The following HIVEP3 variants were observed in gnomAD, a reference collection of about 807,000 sequenced individuals.
The protein encoded by HIVEP3 is HIVEP zinc finger 3, also known as transcription factor HIVEP3.
A neutral mutation model predicts 152.8 loss-of-function variants in HIVEP3; 49 were observed. The observed-to-expected ratio is 0.32, with a 90% CI of 0.26 to 0.41. HIVEP3 has a LOEUF of 0.41. Among genes scored for constraint, HIVEP3 ranks in the 10% least tolerant of loss-of-function variants. HIVEP3 has a pLI of 1.00. For missense variants in HIVEP3, 2,790 were observed against 3,103.3 expected, an observed-to-expected ratio of 0.90 and a Z score of 2.40; for synonymous variants, 1,269 against 1,289.0, an observed-to-expected ratio of 0.98 and a Z score of 0.33.
chr1:41,840,382 C>A (rs144415301), intron 1 of HIVEP3, among the ~76,000 whole-genome samples: 6 of 152,000 alleles, frequency 3.9e-5, no homozygotes, highest in Non-Finnish European at 7.4e-5. Context: ...CAACAGAGGC[C>A]GAGACCTGAT....
chr1:41,638,301 GAGAA>G (rs1257976672), intron 2 of HIVEP3, among the ~76,000 whole-genome samples: 2 of 105,074 alleles, frequency 1.9e-5, no homozygotes, highest in Non-Finnish European at 3.9e-5. Context: ...AGGAAGGAGA[GAGAA>G]AGAAAGGAAA....
At chr1:41,812,750 A>G (rs1651040553) in intron 1 of HIVEP3, among the ~76,000 whole-genome samples, 2 of 151,534 alleles carry the variant, frequency 1.3e-5, no homozygotes, top group African/African-American at 4.9e-5. Flanking sequence ...CACCACTCCA[A>G]CAGTTCCCTG....
intron 3 of HIVEP3, among the ~76,000 whole-genome samples, chr1:41,626,473 GACAA>G (rs1645119360): frequency 6.6e-6 from 1 of 152,166 alleles, no homozygotes; most frequent in Admixed American, 6.5e-5. Flanking sequence ...AGCCCACACG[GACAA>G]ACAAAGAGTC....
At chr1:41,815,991 T>C (rs969700690) in intron 1 of HIVEP3, among the ~76,000 whole-genome samples, 2 of 152,168 alleles carry the variant, frequency 1.3e-5, no homozygotes, top group Admixed American at 1.3e-4. Context: ...ATTAGTCACC[T>C]GTTGGTTCTG....
chr1:41,735,950 T>C (rs953886165), intron 1 of HIVEP3, among the ~76,000 whole-genome samples: 2 of 152,032 alleles, frequency 1.3e-5, no homozygotes, highest in African/African-American at 4.8e-5. Context: ...GCAAGAACAC[T>C]GAATCAGGCC....
At chr1:41,799,512 T>C (rs1650179500) in intron 1 of HIVEP3, among the ~76,000 whole-genome samples, 1 of 152,206 alleles carries the variant, frequency 6.6e-6, no homozygotes, top group South Asian at 2.1e-4. Flanking sequence ...CCAATGTTCC[T>C]GCAGTGCTAG....
At chr1:41,526,854 C>A (rs1642960611) in intron 5 of HIVEP3, among the ~76,000 whole-genome samples, 1 of 146,536 alleles carries the variant, frequency 6.8e-6, no homozygotes, top group Non-Finnish European at 1.5e-5. Flanking sequence ...CACACTCACC[C>A]TAACACGCTC....
intron 1 of HIVEP3, among the ~76,000 whole-genome samples, chr1:41,750,781 C>T (rs1284881874): frequency 6.6e-6 from 1 of 152,058 alleles, no homozygotes; most frequent in Non-Finnish European, 1.5e-5. Flanking sequence ...TCACTGCAAC[C>T]TCTGCCTCCT....
chr1:41,808,739 T>A (rs574406163), intron 1 of HIVEP3, among the ~76,000 whole-genome samples: 1 of 152,160 alleles, frequency 6.6e-6, no homozygotes, highest in East Asian at 1.9e-4. Flanking sequence ...AGAAGTGAAA[T>A]GGAATTATTG....
intron 2 of HIVEP3, among the ~76,000 whole-genome samples, chr1:41,676,648 T>C (rs1382662211): frequency 6.6e-6 from 1 of 152,248 alleles, no homozygotes; most frequent in Non-Finnish European, 1.5e-5. Context: ...TTTCTTTCTC[T>C]GTTCAGTATC....
At chr1:41,742,904 A>G (rs2124208906) in intron 1 of HIVEP3, among the ~76,000 whole-genome samples, 1 of 151,804 alleles carries the variant, frequency 6.6e-6, no homozygotes, top group South Asian at 2.1e-4. Flanking sequence ...CATATCCATC[A>G]CTCTAACTGT....
chr1:41,812,621 G>A (rs888782530), intron 1 of HIVEP3, among the ~76,000 whole-genome samples: 1 of 151,940 alleles, frequency 6.6e-6, no homozygotes, highest in African/African-American at 2.4e-5. Context: ...TTCATTTTAA[G>A]AGTGATAGTG....
At chr1:41,981,194 T>C (rs943944874) in intron 1 of HIVEP3, among the ~76,000 whole-genome samples, 1 of 152,092 alleles carries the variant, frequency 6.6e-6, no homozygotes, top group African/African-American at 2.4e-5. Flanking sequence ...AGGAAGAAGG[T>C]ACGTGTCTCC....
chr1:41,529,460 TC>T (rs1266982451), intron 5 of HIVEP3, among the ~76,000 whole-genome samples: 11 of 22,200 alleles, frequency 5.0e-4, no homozygotes, highest in African/African-American at 2.0e-3. Context: ...ACCCTCACAC[TC>T]CCCCCAAACT....
At chr1:41,961,076 C>T (rs189802705) in intron 1 of HIVEP3, among the ~76,000 whole-genome samples, 1 of 152,172 alleles carries the variant, frequency 6.6e-6, no homozygotes, top group Non-Finnish European at 1.5e-5. Context: ...GACAAGGTAC[C>T]TTCCACTTGG....
chr1:41,575,684 G>T lies in HIVEP3; in HGVS notation c.5067C>A (p.His1689Gln), dbSNP rs758607053. 5 of 1,613,922 alleles carry T rather than the reference G, an allele frequency of 3.1e-6. No homozygotes were observed. The highest frequency in any genetic ancestry group is 4.2e-6 in the Non-Finnish European group (5 of 1,179,950). Residue 1689 changes from histidine to glutamine, a missense_variant, in exon 5 of 9, where the codon CAC (histidine) becomes CAA (glutamine). Physicochemically the swap from His to Gln is conservative, Grantham distance 24. Around this residue, in one of 9 missense-constraint regions of HIVEP3, gnomAD observed 1,078 missense variants for 1,165.3 expected, o/e 0.93. Coordinates refer to ENST00000372583, the MANE Select transcript of HIVEP3 (RefSeq NM_024503.5). Reference protein sequence around the residue: ...SSRKPRMTEVHLPSLVSPEGQ... With the variant: ...SSRKPRMTEVQLPSLVSPEGQ... ...CTTCCGGGGAAACCAGTGAAGGGAG[G>T]TGAACCTGGCCCACCGCAGGAATGA... is the stretch of plus-strand genomic sequence containing the variant.
chr1:41,787,542 T>C (rs1323286900), intron 1 of HIVEP3, among the ~76,000 whole-genome samples: 1 of 151,008 alleles, frequency 6.6e-6, no homozygotes, highest in Admixed American at 6.6e-5. Context: ...TTTCTTTTTT[T>C]TTTTTTTTTT....
rs1237038960 is a variant in HIVEP3 at position 41,533,650 on chromosome 1, C to G, written c.5208-8740G>C. ...GCTGGCCTTCTGGAGGCACCTCATTCCCTCCTGCTTGTGTCTCCTTTGCAA... is the reference window on the plus strand; with the variant it reads ...GCTGGCCTTCTGGAGGCACCTCATTGCCTCCTGCTTGTGTCTCCTTTGCAA... On this transcript the variant is annotated intron_variant, in intron 5 of 8. Transcript: ENST00000372583. The surrounding 1 kb of genome is among the most constrained non-coding windows in gnomAD (Gnocchi z 4.3). Among the ~76,000 whole-genome samples, 4 of 151,868 alleles carry G rather than the reference C, an allele frequency of 2.6e-5. No homozygotes were observed. The highest frequency in any genetic ancestry group is 5.9e-5 in the Non-Finnish European group (4 of 68,000).
chr1:41,675,076 C>T (rs554856394), intron 2 of HIVEP3, among the ~76,000 whole-genome samples: 3 of 152,284 alleles, frequency 2.0e-5, no homozygotes, highest in East Asian at 3.9e-4. Context: ...CCTGTCCCCC[C>T]ACAGGTACCC....
Sources: gnomAD v4.1 joint callset for allele counts (sites outside exome capture counted in the v4.1 genomes callset) on GRCh38, gnomAD v4.1.1 for gene constraint, gnomAD v4.1.1 regional missense constraint, Gnocchi (gnomAD v3.1) non-coding constraint, MANE v1.5 for transcripts, NCBI Gene and HGNC (gene_info 2026-07-23, HGNC 2026-07-21) for gene names.